FAT1: variants seen among roughly 807,000 people sequenced by gnomAD.
FAT1 encodes FAT atypical cadherin 1.
A neutral mutation model predicts 329.8 loss-of-function variants in FAT1; 171 were observed. The observed-to-expected ratio is 0.52, with a 90% confidence interval of 0.46 to 0.59. FAT1 has a LOEUF of 0.59. Ranked by LOEUF, FAT1 falls within the 20% of genes least tolerant of loss-of-function variation. The pLI is 0.00. For missense variants in FAT1, 5,672 were observed against 5,774.4 expected (o/e 0.98, Z 0.57); for synonymous variants, 2,233 against 2,228.6 (o/e 1.00, Z -0.06).
chr4:186,687,985 T>C (rs1192752086), intron 2 of FAT1, among the ~76,000 whole-genome samples: 1 of 152,114 alleles, frequency 6.6e-6, no homozygotes, highest in Non-Finnish European at 1.5e-5. Flanking sequence ...TGTTTTCTCC[T>C]TTCCAGTAGT....
intron 2 of FAT1, among the ~76,000 whole-genome samples, chr4:186,700,466 C>T (rs1372524217): frequency 6.6e-6 from 1 of 152,174 alleles, no homozygotes; most frequent in African/African-American, 2.4e-5. Context: ...TCCTGTCCTC[C>T]TAATTGTGCT....
At chr4:186,649,462 A>C (rs1741530660) in intron 3 of FAT1, among the ~76,000 whole-genome samples, 1 of 152,212 alleles carries the variant, frequency 6.6e-6, no homozygotes, top group South Asian at 2.1e-4. Context: ...AGATGTAATT[A>C]AGAACCTCAA....
chr4:186,599,762 C>T (rs905774655), intron 22 of FAT1, 136 bp downstream of exon 22: 9 of 699,330 alleles, frequency 1.3e-5, no homozygotes, highest in South Asian at 4.0e-5. Context: ...GGATGCTGCT[C>T]GCTTCCAACA....
At chr4:186,645,462 G>GTATATACA (rs145250519) in intron 3 of FAT1, among the ~76,000 whole-genome samples, 6,819 of 133,046 alleles carry the variant, frequency 0.051, 296 homozygotes, top group East Asian at 0.15. Context: ...ATGTATATGT[G>GTATATACA]TATATCTTCA....
In FAT1 at chr4:186,603,392, G is replaced by A. The variant is rs1009089597; in HGVS notation, c.11134C>T (p.Leu3712=). 5 of 1,613,876 alleles carry A rather than the reference G, an allele frequency of 3.1e-6. No individual in the cohort carries two copies. Among genetic ancestry groups the A allele is most frequent in the Non-Finnish European group, 4.2e-6 (5 of 1,179,900 alleles). The stretch of plus-strand genomic sequence containing the variant: ...GTCACGGAAGAGTTAATCTTGTGCA[G>A]AAGTTGTTTTGTTGAGATCTGAGCA... ...GSAQISTKQL[L]HKINSSVTDI... is the part of the protein sequence containing the mutation. Residue 3712 remains leucine (L), a synonymous_variant, in exon 19 of 27, where the codon CTG becomes TTG. Coordinates refer to ENST00000441802, the MANE Select transcript of FAT1 (RefSeq NM_005245.4).
chr4:186,596,593 G>A lies in FAT1; in HGVS notation c.12947C>T (p.Ser4316Phe), dbSNP rs753154188. Residue 4316 changes from serine (S) to phenylalanine (F), a missense_variant, in exon 25 of 27, where the codon TCC becomes TTC. This residue lies in a region of FAT1 where 1,706 missense variants were observed against 1,859.1 expected (regional missense o/e 0.92). Coordinates refer to ENST00000441802, the MANE Select transcript of FAT1 (RefSeq NM_005245.4). This position sits in a 1 kb window ranked among gnomAD's most constrained non-coding sequence, Gnocchi z 4.7. The part of the protein sequence containing the change: ...PNLPPPPPSN[S>F]PSDSDSIQKP... Reference sequence around the variant, plus strand: ...CTGGATGGAGTCGCTGTCAGAAGGGGAGTTTGAAGGGGGTGGGGGAGGCAG... The same window carrying A: ...CTGGATGGAGTCGCTGTCAGAAGGGAAGTTTGAAGGGGGTGGGGGAGGCAG... 2 of 1,613,106 alleles carry A rather than the reference G, an allele frequency of 1.2e-6. No homozygotes were observed. Among genetic ancestry groups the A allele is most frequent in the Non-Finnish European group, 1.7e-6 (2 of 1,179,596 alleles).
At position 186,716,335 on chromosome 4, in the gene FAT1, G is replaced by A. The variant is rs561866127; in HGVS notation, c.-18-6490C>T. Among the ~76,000 whole-genome samples the A allele has an allele frequency of 9.9e-5, 15 of 152,218 alleles. No individual in the cohort carries two copies. The South Asian group carries it at 1.5e-3, about 15-fold the overall frequency. ...CATTTTCTATCAACATAGTGAAAGC[G>A]TCAGTAGAATTTAACTCATGATTAA... On this transcript the variant is annotated intron_variant, in intron 1 of 26. Coordinates refer to ENST00000441802, the MANE Select transcript of FAT1 (RefSeq NM_005245.4).
intron 2 of FAT1, among the ~76,000 whole-genome samples, chr4:186,700,831 C>T (rs545895560): frequency 2.0e-5 from 3 of 152,188 alleles, no homozygotes; most frequent in African/African-American, 7.2e-5. Context: ...GCCCAGTGCC[C>T]GGCTGTGACA....
At chr4:186,606,542 T>C (rs1184474462) in intron 16 of FAT1, among the ~76,000 whole-genome samples, 3 of 152,170 alleles carry the variant, frequency 2.0e-5, no homozygotes, top group African/African-American at 7.2e-5. Flanking sequence ...GAAGTTAACA[T>C]ATCTCAAATG....
intron 4 of FAT1, 44 bp from the exon 5 acceptor site, chr4:186,636,958 TA>T: frequency 6.6e-7 from 1 of 1,507,394 alleles, no homozygotes; most frequent in Non-Finnish European, 8.9e-7. Flanking sequence ...AGATATACTA[TA>T]TAAAAAGTGA....
intron 2 of FAT1, among the ~76,000 whole-genome samples, chr4:186,701,048 T>TC (rs1744286222): frequency 6.6e-6 from 1 of 152,096 alleles, no homozygotes; most frequent in South Asian, 2.1e-4. Context: ...TGAGTCACGG[T>TC]CCCCCGAGTT....
In FAT1 at chr4:186,707,914, C is replaced by G. The variant is rs1198264653; in HGVS notation, c.1914G>C (p.Val638=). ...CTGTGATTCTCAGACTGTGGAAAGA[C>G]ACCTTTGCACCTAAGCCATCCATTA... is the stretch of plus-strand genomic sequence containing the variant. ...RSLMDGLGAK[V]SFHSLRITAT... Residue 638 remains valine, a synonymous_variant, in exon 2 of 27, where the codon GTG becomes GTC. Transcript: ENST00000441802. The G allele has an allele frequency of 1.2e-6, 2 of 1,613,870 alleles. No individual in the cohort carries two copies. The highest frequency in any genetic ancestry group is 1.7e-6 in the Non-Finnish European group (2 of 1,179,918).
In FAT1 at chr4:186,601,495, C is replaced by T. The variant is rs1407657558; in HGVS notation, c.11483-69G>A. On this transcript the variant is annotated intron_variant, in intron 20 of 26. Transcript: ENST00000441802. ...AGCATATTTTTTAAAGTATGACTCC[C>T]CTGCACCCCTTGAGACTGATTTAGG... The T allele has an allele frequency of 3.0e-6, 4 of 1,352,706 alleles. No homozygotes were observed. The African/African-American group carries it at 4.3e-5, about 14-fold the overall frequency. The allele number at this position is 1,352,706 out of a possible 1,614,324, so 83.8% of individuals were successfully genotyped here.
At chr4:186,641,929 C>T (rs1171699685) in intron 3 of FAT1, among the ~76,000 whole-genome samples, 1 of 152,052 alleles carries the variant, frequency 6.6e-6, no homozygotes, top group East Asian at 1.9e-4. Context: ...AAAGCTTGAA[C>T]CTGGGAAGAG....
rs756120862 is a variant in FAT1, at chr4:186,602,870, A to C, written c.11482+33T>G. On this transcript the variant is annotated intron_variant, in intron 20 of 26. Transcript: ENST00000441802. Reference sequence around the variant, plus strand: ...AAGAAACAATGAAACCGATTTTTAAAAATAAAAGTATACCCAACCATTCAA... The same window carrying C: ...AAGAAACAATGAAACCGATTTTTAACAATAAAAGTATACCCAACCATTCAA... 6 of 1,572,690 alleles carry C rather than the reference A, an allele frequency of 3.8e-6. No individual in the cohort carries two copies. In the Admixed American group the frequency reaches 1.2e-4, roughly 31 times the overall value.
At chr4:186,614,141 A>G (rs989252374) in intron 12 of FAT1, 50 bp downstream of exon 12, 13 of 1,489,196 alleles carry the variant, frequency 8.7e-6, no homozygotes, top group East Asian at 2.5e-5. Context: ...ACCCACATAT[A>G]TGATACTGTT....
At chr4:186,593,886 G>C (rs1251568836) in intron 26 of FAT1, among the ~76,000 whole-genome samples, 1 of 152,062 alleles carries the variant, frequency 6.6e-6, no homozygotes, top group Non-Finnish European at 1.5e-5. Context: ...TAATGGCCCT[G>C]GAAAACCGGG....
intron 11 of FAT1, among the ~76,000 whole-genome samples, chr4:186,615,977 C>A (rs1019176775): frequency 6.6e-6 from 1 of 152,148 alleles, no homozygotes; most frequent in Admixed American, 6.5e-5. Context: ...GCCCCCGGCT[C>A]AGACTCCTCT....
intron 1 of FAT1, among the ~76,000 whole-genome samples, chr4:186,715,470 T>C (rs1745168485): frequency 6.6e-6 from 1 of 152,232 alleles, no homozygotes; most frequent in East Asian, 1.9e-4. Context: ...ATACACTTTT[T>C]GGAAGACATT....
Sources: allele counts gnomAD v4.1 joint callset (sites outside exome capture counted in the v4.1 genomes callset), GRCh38; gene constraint gnomAD v4.1.1; regional missense constraint gnomAD v4.1.1; non-coding constraint Gnocchi (gnomAD v3.1); transcripts MANE v1.5; gene names NCBI Gene and HGNC (gene_info 2026-07-23, HGNC 2026-07-21).